The following TAMM41 variants were observed in gnomAD, a reference collection of about 807,000 sequenced individuals.
The protein encoded by TAMM41 is TAM41 mitochondrial translocator assembly and maintenance homolog, also known as phosphatidate cytidylyltransferase, mitochondrial.
TAMM41 carries 36 observed loss-of-function variants against 44.1 expected under a neutral mutation model. The observed-to-expected ratio is 0.82, with a 90% CI of 0.63 to 1.08. The LOEUF is 1.08. Ranked by LOEUF, TAMM41 falls within the 50% of genes least tolerant of loss-of-function variation. TAMM41 has a pLI of 0.00. For synonymous variants in TAMM41, 164 were observed against 153.1 expected (o/e 1.07, Z -0.53); for missense variants, 417 against 404.3 (o/e 1.03, Z -0.27).
intron 4 of TAMM41, among the ~76,000 whole-genome samples, chr3:11,822,603 G>C (rs1257272558): frequency 6.6e-6 from 1 of 152,200 alleles, no homozygotes; most frequent in Non-Finnish European, 1.5e-5. Flanking sequence ...TCTTGCCACA[G>C]ATTTGCCTAT....
the TAMM41 span, among the ~76,000 whole-genome samples, chr3:11,760,323 A>C: frequency 6.6e-6 from 1 of 152,062 alleles, no homozygotes; most frequent in East Asian, 1.9e-4. Context: ...TAAAGCACTA[A>C]CTCAACATTT....
chr3:11,827,636 GA>G (rs373584134), intron 4 of TAMM41, among the ~76,000 whole-genome samples: 14,028 of 52,052 alleles, frequency 0.27, 1,835 homozygotes, highest in East Asian at 0.58. Context: ...CAGAAAAGAG[GA>G]AAAAAAAAAA....
intron 4 of TAMM41, among the ~76,000 whole-genome samples, chr3:11,829,430 G>T (rs894745961): frequency 6.6e-6 from 1 of 152,160 alleles, no homozygotes; most frequent in African/African-American, 2.4e-5. Context: ...GGCATAGGGA[G>T]TTTTCTGTAT....
the TAMM41 span, among the ~76,000 whole-genome samples, chr3:11,725,381 C>T: frequency 4.9e-3 from 679 of 138,574 alleles, 4 homozygotes; most frequent in African/African-American, 7.8e-3. Flanking sequence ...CCTCCTCTTC[C>T]TCCTCCTTCT....
the TAMM41 span, among the ~76,000 whole-genome samples, chr3:11,753,980 G>C: frequency 6.6e-6 from 1 of 151,882 alleles, no homozygotes; most frequent in East Asian, 1.9e-4. Flanking sequence ...GGGCGGCCTC[G>C]TGTTCTCCTC....
the TAMM41 span, among the ~76,000 whole-genome samples, chr3:11,772,772 T>C: frequency 6.6e-6 from 1 of 152,142 alleles, no homozygotes; most frequent in Non-Finnish European, 1.5e-5. Flanking sequence ...CCTCCTTTAT[T>C]AAGCCTCCTA....
At chr3:11,788,306 G>A (rs1000478384), downstream of TAMM41, among the ~76,000 whole-genome samples, 4 of 152,160 alleles carry the variant, frequency 2.6e-5, no homozygotes, top group South Asian at 2.1e-4. Context: ...AATTCGTATC[G>A]TATAAGCAGT....
the TAMM41 span, among the ~76,000 whole-genome samples, chr3:11,761,216 C>G: frequency 6.0e-5 from 9 of 148,998 alleles, no homozygotes; most frequent in Non-Finnish European, 1.2e-4. Flanking sequence ...TTCATTTTAT[C>G]TGGAATGAAT....
the TAMM41 span, among the ~76,000 whole-genome samples, chr3:11,783,784 G>A: frequency 1.3e-5 from 2 of 152,276 alleles, no homozygotes; most frequent in African/African-American, 2.4e-5. Flanking sequence ...CACTGAGACC[G>A]GATTCAGACC....
the TAMM41 span, among the ~76,000 whole-genome samples, chr3:11,745,500 A>G: frequency 6.6e-6 from 1 of 152,228 alleles, no homozygotes; most frequent in Non-Finnish European, 1.5e-5. Flanking sequence ...TATCTTAAAA[A>G]GGAAGCGAAT....
intron 4 of TAMM41, among the ~76,000 whole-genome samples, chr3:11,827,301 TTTC>T (rs1375174111): frequency 3.3e-5 from 4 of 120,148 alleles, no homozygotes; most frequent in Non-Finnish European, 6.4e-5. Context: ...CTTTCTTTCT[TTTC>T]TTTTCTTTTT....
At position 11,839,212 on chromosome 3, in the gene TAMM41, A is replaced by G. The variant is rs1482017588; in HGVS notation, c.411+10T>C. On this transcript the variant is annotated intron_variant, in intron 3 of 7. Transcript: ENST00000455809. ...GGCATCCTTAACTGTGCAGCCTATA[A>G]AACACTCACCGGTTTTTGGAGTCGT... The G allele has an allele frequency of 1.3e-6, 2 of 1,598,670 alleles. No individual in the cohort carries two copies. Among genetic ancestry groups the G allele is most frequent in the Non-Finnish European group, 1.7e-6 (2 of 1,167,012 alleles).
the TAMM41 span, among the ~76,000 whole-genome samples, chr3:11,777,349 A>G: frequency 1.4e-4 from 21 of 152,370 alleles, no homozygotes; most frequent in East Asian, 3.5e-3. Context: ...CCAGCTAAAA[A>G]ATGGTTTGGG....
At chr3:11,737,284 CATTATTATTATTATT>C in the TAMM41 span, among the ~76,000 whole-genome samples, 1,216 of 131,664 alleles carry the variant, frequency 9.2e-3, 16 homozygotes, top group Middle Eastern at 0.038. Context: ...TGTTGGCTTA[CATTATTATTATTATT>C]ATTATTATTA....
chr3:11,811,228 T>C (rs1394473299), intron 5 of TAMM41: 7 of 152,230 alleles, frequency 4.6e-5, no homozygotes, highest in African/African-American at 1.7e-4. Context: ...TATTTATCAC[T>C]AGGATGGTTC....
At chr3:11,737,907 T>C in the TAMM41 span, among the ~76,000 whole-genome samples, 9 of 152,248 alleles carry the variant, frequency 5.9e-5, no homozygotes, top group Non-Finnish European at 1.3e-4. Flanking sequence ...TTTGACAACG[T>C]AACTCTTCCA....
intron 7 of TAMM41, 108 bp from the exon 8 acceptor site, chr3:11,790,689 G>C: frequency 1.1e-6 from 1 of 941,604 alleles, no homozygotes; most frequent in Non-Finnish European, 1.7e-6. Flanking sequence ...GGCAGTGAGG[G>C]GCTGACCCGT....
chr3:11,743,352 A>T, the TAMM41 span, among the ~76,000 whole-genome samples: 7 of 127,148 alleles, frequency 5.5e-5, no homozygotes, highest in Non-Finnish European at 6.7e-5. Context: ...TTTTTTTTTT[A>T]AGAGGAAGTC....
the TAMM41 span, among the ~76,000 whole-genome samples, chr3:11,742,762 A>ATT: frequency 4.9e-5 from 7 of 143,772 alleles, 1 homozygote; most frequent in African/African-American, 1.8e-4. Flanking sequence ...AATTAAAACA[A>ATT]TTTTTTTTTT....
Sources: gnomAD v4.1 joint callset for allele counts (sites outside exome capture counted in the v4.1 genomes callset) on GRCh38, gnomAD v4.1.1 for gene constraint, MANE v1.5 for transcripts, NCBI Gene and HGNC (gene_info 2026-07-23, HGNC 2026-07-21) for gene names.